ADAMTS5: variants seen among roughly 807,000 people sequenced by gnomAD.
The protein encoded by ADAMTS5 is ADAM metallopeptidase with thrombospondin type 1 motif 5, also known as A disintegrin and metalloproteinase with thrombospondin motifs 5.
Under a neutral mutation model 81.4 loss-of-function variants are expected in ADAMTS5, and 54 were observed. That is an observed-to-expected ratio of 0.66 (90% CI 0.53 to 0.83). ADAMTS5 has a LOEUF of 0.83. ADAMTS5 is among the 40% of genes least tolerant of loss of function. The pLI, the probability that ADAMTS5 is intolerant of heterozygous loss-of-function variation, is 0.00. For missense variants in ADAMTS5, 1,194 were observed against 1,229.9 expected, an observed-to-expected ratio of 0.97 and a Z score of 0.44; for synonymous variants, 532 against 508.8, an observed-to-expected ratio of 1.05 and a Z score of -0.61.
In ADAMTS5 at chr21:26,932,150, C is replaced by A. The variant is rs1986921581; in HGVS notation, c.1903G>T (p.Ala635Ser). The change falls in exon 6 of 8, where the codon GCC (alanine) becomes TCC (serine). Residue 635 changes from alanine to serine, a missense_variant. Transcript: ENST00000284987. ...GCATCAGACTGATAGCCATTTTTGG[C>A]CTCACACTGTTCATGACGAAATGAT... The part of the protein sequence containing the change: ...GKSFRHEQCE[A>S]KNGYQSDAKG... The A allele has an allele frequency of 6.2e-7, 1 of 1,613,896 alleles. No homozygotes were observed. Among genetic ancestry groups the A allele is most frequent in the African/African-American group, 1.3e-5 (1 of 74,944 alleles).
In ADAMTS5 at chr21:26,966,120, A is replaced by C; in HGVS notation, c.272T>G (p.Val91Gly). 2 of 1,612,628 alleles carry C rather than the reference A, an allele frequency of 1.2e-6. No individual in the cohort carries two copies. Among genetic ancestry groups the C allele is most frequent in the Non-Finnish European group, 1.7e-6 (2 of 1,179,744 alleles). ...GAGGAACCTCCGGCCGCCCGCGTAG[A>C]CGAGGTAGCCCACCTTGCCGCCGCC... ...YSGGGKVGYL[V>G]YAGGRRFLLD... The change falls in exon 1 of 8, where the codon GTC becomes GGC. Residue 91 changes from valine (V) to glycine (G), a missense_variant. This residue lies in a region of ADAMTS5 where 498 missense variants were observed against 412.3 expected (regional missense o/e 1.21). Transcript: ENST00000284987.
rs765042826 is a variant in ADAMTS5 at position 26,966,242 on chromosome 21, C to G, written c.150G>C (p.Glu50Asp). ...AAQPRRRQGE[E>D]VQERAEPPGH... ...CGGGAGGCTCGGCTCGCTCCTGCACCTCCTCCCCCTGCCGCCGGCGGGGCT... is the reference window on the plus strand; with the variant it reads ...CGGGAGGCTCGGCTCGCTCCTGCACGTCCTCCCCCTGCCGCCGGCGGGGCT... The change falls in exon 1 of 8, where the codon GAG becomes GAC. Residue 50 changes from glutamate to aspartate, a missense_variant. By Grantham distance (45) the Glu-to-Asp change is conservative. This residue lies in a region of ADAMTS5 where 498 missense variants were observed against 412.3 expected (regional missense o/e 1.21). Transcript: ENST00000284987. 3.7e-6 allele frequency: 6 copies of G among 1,600,434 alleles called. No homozygotes were observed. The highest frequency in any genetic ancestry group is 5.1e-6 in the Non-Finnish European group (6 of 1,175,578).
chr21:26,958,654 T>C (rs1172104950), intron 1 of ADAMTS5, among the ~76,000 whole-genome samples: 2 of 152,304 alleles, frequency 1.3e-5, no homozygotes, highest in Non-Finnish European at 1.5e-5. Context: ...AAAACAATTA[T>C]TGTGTGCCTA....
rs149384751 is a variant in ADAMTS5, at chr21:26,925,189, A to G, written c.2226-569T>C. On this transcript the variant is annotated intron_variant, in intron 7 of 7. Coordinates refer to ENST00000284987, the MANE Select transcript of ADAMTS5 (RefSeq NM_007038.5). ...TTTTGAAACTTCTCACATTGTTCCA[A>G]TGTGCAGACTAACTTGGGAACACAG... Among the ~76,000 whole-genome samples, 12 of 152,278 alleles carry G rather than the reference A, an allele frequency of 7.9e-5. No homozygotes were observed. The East Asian group carries it at 1.4e-3, about 17-fold the overall frequency.
intron 5 of ADAMTS5, among the ~76,000 whole-genome samples, chr21:26,932,622 A>G (rs1050532045): frequency 6.6e-6 from 1 of 151,992 alleles, no homozygotes; most frequent in Non-Finnish European, 1.5e-5. Context: ...AATCATGTGA[A>G]CCCAGGAGGT....
In ADAMTS5 at chr21:26,965,983, C is replaced by T; in HGVS notation, c.409G>A (p.Asp137Asn). ...ACAGCCAGAGAGCGGGGACTACCGTCCACTGTGCCCCGATAGAAGCAGTGG... is the reference window on the plus strand; with the variant it reads ...ACAGCCAGAGAGCGGGGACTACCGTTCACTGTGCCCCGATAGAAGCAGTGG... ...RSHCFYRGTVDGSPRSLAVFD... is the reference protein window; with the variant it reads ...RSHCFYRGTVNGSPRSLAVFD... Residue 137 changes from aspartate (D) to asparagine (N), a missense_variant, in exon 1 of 8, where the codon GAC (aspartate) becomes AAC (asparagine). This residue lies in a region of ADAMTS5 where 498 missense variants were observed against 412.3 expected (regional missense o/e 1.21). Transcript: ENST00000284987. 6.2e-7 allele frequency: 1 copy of T among 1,613,160 alleles called. No homozygotes were observed.
Position 26,923,046 on chromosome 21 carries a change from G to A in ADAMTS5, c.*1007C>T, listed in dbSNP as rs968975330. 6.6e-6 allele frequency: 1 copy of A among 152,158 alleles called. No individual in the cohort carries two copies. The highest frequency in any genetic ancestry group is 2.4e-5 in the African/African-American group (1 of 41,434). 9.4% of individuals were successfully genotyped at this position (152,158 alleles called of 1,614,324 possible). ...GCATTTTAAAGGCTTGCTGGTAGGA[G>A]GTATACCAGTGTTGAATGTGTTGGA... On this transcript the variant is annotated 3_prime_UTR_variant, in exon 8 of 8. Coordinates refer to ENST00000284987, the MANE Select transcript of ADAMTS5 (RefSeq NM_007038.5).
At chr21:26,927,608 C>T (rs1986828182) in intron 7 of ADAMTS5, among the ~76,000 whole-genome samples, 1 of 152,116 alleles carries the variant, frequency 6.6e-6, no homozygotes, top group Admixed American at 6.5e-5. Flanking sequence ...GGGGCCAGAT[C>T]TTTTAGCACC....
Position 26,924,044 on chromosome 21 carries a change from A to G in ADAMTS5, c.*9T>C, listed in dbSNP as rs368402576. On this transcript the variant is annotated 3_prime_UTR_variant, in exon 8 of 8. Coordinates refer to ENST00000284987, the MANE Select transcript of ADAMTS5 (RefSeq NM_007038.5). ...CAGTTATCTTTGTGCATAAGATCAT[A>G]ACCACAGGCTAACATTTCTTCAACA... The G allele has an allele frequency of 1.7e-5, 27 of 1,581,814 alleles. 1 individual carries two copies. The African/African-American group carries it at 3.4e-4, about 20-fold the overall frequency.
intron 2 of ADAMTS5, among the ~76,000 whole-genome samples, chr21:26,951,760 A>C (rs1987323024): frequency 6.7e-6 from 1 of 148,736 alleles, no homozygotes; most frequent in Non-Finnish European, 1.5e-5. Flanking sequence ...TGAGAATTAG[A>C]ATCGAGAGCA....
intron 2 of ADAMTS5, among the ~76,000 whole-genome samples, chr21:26,951,582 G>A (rs1385458620): frequency 6.7e-6 from 1 of 150,152 alleles, no homozygotes; most frequent in Non-Finnish European, 1.5e-5. Flanking sequence ...GGGGGGCTGA[G>A]GCAGGAGAAT....
intron 6 of ADAMTS5, among the ~76,000 whole-genome samples, chr21:26,930,591 A>T (rs1028012224): frequency 2.0e-5 from 3 of 152,212 alleles, no homozygotes; most frequent in African/African-American, 7.2e-5. Flanking sequence ...ATTAGTGCAG[A>T]AAAAGGAGTC....
chr21:26,947,323 G>T (rs895402668), intron 2 of ADAMTS5, among the ~76,000 whole-genome samples: 1 of 152,158 alleles, frequency 6.6e-6, no homozygotes, highest in Admixed American at 6.5e-5. Flanking sequence ...ACTGGGGAGG[G>T]GAGATAGAAG....
At chr21:26,936,428 A>G (rs2123178387) in intron 3 of ADAMTS5, among the ~76,000 whole-genome samples, 1 of 152,364 alleles carries the variant, frequency 6.6e-6, no homozygotes, top group South Asian at 2.1e-4. Flanking sequence ...TTTTAGATGT[A>G]CTACAGTTAT....
chr21:26,929,844 C>T (rs1986872470), intron 7 of ADAMTS5, 42 bp downstream of exon 7: 6 of 1,585,892 alleles, frequency 3.8e-6, no homozygotes, highest in Middle Eastern at 3.4e-4. Context: ...GAGTCTAAAG[C>T]TTTGTTCAAT....
chr21:26,926,052 T>C (rs1986800556), intron 7 of ADAMTS5, among the ~76,000 whole-genome samples: 1 of 152,220 alleles, frequency 6.6e-6, no homozygotes, highest in South Asian at 2.1e-4. Context: ...GGAGAATTCC[T>C]CGAGGTCAGG....
rs1448230014 is a variant in ADAMTS5, at chr21:26,922,132, G to A, written c.*1921C>T. 2.6e-5 allele frequency: 4 copies of A among 151,810 alleles called. No homozygotes were observed. Among genetic ancestry groups the A allele is most frequent in the Admixed American group, 2.0e-4 (3 of 15,244 alleles). The allele number at this position is 151,810 out of a possible 1,614,324, so 9.4% of individuals were successfully genotyped here. ...ATTGGGTGATCTCCATCACATATAG[G>A]TTATCAGCCTTGTACAGGCCTCATT... is the stretch of plus-strand genomic sequence containing the variant. On this transcript the variant is annotated 3_prime_UTR_variant, in exon 8 of 8. Transcript: ENST00000284987.
rs752182558 is a variant in ADAMTS5, at chr21:26,927,528, C to T, written c.2225+2358G>A. Among the ~76,000 whole-genome samples the T allele has an allele frequency of 7.9e-5, 12 of 152,028 alleles. No individual in the cohort carries two copies. The East Asian group carries it at 1.2e-3, about 15-fold the overall frequency. On this transcript the variant is annotated intron_variant, in intron 7 of 7. Transcript: ENST00000284987. ...TACCTGGTGTCATGTTTTTGAAGTG[C>T]GAGAAAGTGCATTCTGGTCAGAGCA...
In ADAMTS5 at chr21:26,965,406, T is replaced by A; in HGVS notation, c.986A>T (p.Glu329Val). 6.2e-7 allele frequency: 1 copy of A among 1,614,262 alleles called. No individual in the cohort carries two copies. The highest frequency in any genetic ancestry group is 8.5e-7 in the Non-Finnish European group (1 of 1,180,048). ...VVLGDKDKSL[E>V]VSKNAATTLK... is the part of the protein sequence containing the mutation. ...TGTGGTGGCAGCGTTCTTGCTCACT[T>A]CCAGGCTCTTGTCCTTGTCGCCTAG... Residue 329 changes from glutamate (E) to valine (V), a missense_variant, in exon 1 of 8, where the codon GAA (glutamate) becomes GTA (valine). Glu to Val is a moderately radical substitution (Grantham distance 121). Coordinates refer to ENST00000284987, the MANE Select transcript of ADAMTS5 (RefSeq NM_007038.5).
Sources: gnomAD v4.1 joint callset for allele counts (sites outside exome capture counted in the v4.1 genomes callset) on GRCh38, gnomAD v4.1.1 for gene constraint, gnomAD v4.1.1 regional missense constraint, MANE v1.5 for transcripts, NCBI Gene and HGNC (gene_info 2026-07-23, HGNC 2026-07-21) for gene names.